CFAP47: variants seen among roughly 807,000 people sequenced by gnomAD.
The protein encoded by CFAP47 is cilia- and flagella-associated protein 47.
Under a neutral mutation model 148.1 loss-of-function variants are expected in CFAP47, and 29 were observed. The ratio of observed to expected loss-of-function variants is 0.20; its 90% CI spans 0.15 to 0.27. The LOEUF (loss-of-function observed/expected upper bound fraction) is 0.27. CFAP47 is among the 10% of genes least tolerant of loss of function. The probability of loss-of-function intolerance (pLI) is 1.00; values close to 1 mark genes in which losing one functional copy is unlikely to be tolerated. For synonymous variants in CFAP47, 664 were observed against 577.3 expected (o/e 1.15, Z -2.15); for missense variants, 1,872 against 1,697.5 (o/e 1.10, Z -1.81).
At chrX:36,172,293 C>T (rs1208867923) in intron 39 of CFAP47, among the ~76,000 whole-genome samples, 1 of 104,196 alleles carries the variant, frequency 9.6e-6, no homozygotes, top group African/African-American at 3.5e-5. Flanking sequence ...CCTTTATTTC[C>T]TTCTCCTGCC....
At chrX:36,229,168 G>A (rs2146901182) in intron 46 of CFAP47, among the ~76,000 whole-genome samples, 1 of 111,807 alleles carries the variant, frequency 8.9e-6, no homozygotes, top group African/African-American at 3.2e-5. Flanking sequence ...GGGTTCATAG[G>A]CACTGAGAAC....
intron 39 of CFAP47, among the ~76,000 whole-genome samples, chrX:36,162,747 ACAC>A (rs1163768522): frequency 9.0e-6 from 1 of 111,557 alleles, no homozygotes; most frequent in East Asian, 2.8e-4. Context: ...CTTTTGCAGA[ACAC>A]CACTATTTCA....
chrX:36,044,559 G>A (rs775620827), intron 25 of CFAP47, among the ~76,000 whole-genome samples: 3 of 112,096 alleles, frequency 2.7e-5, no homozygotes, highest in East Asian at 2.8e-4. Context: ...GGGCAAGGGC[G>A]ACATGCCACC....
intron 18 of CFAP47, among the ~76,000 whole-genome samples, chrX:35,996,416 A>G (rs751185284): frequency 9.0e-6 from 1 of 111,177 alleles, no homozygotes; most frequent in Non-Finnish European, 1.9e-5. Flanking sequence ...GAAAAATGGT[A>G]TTTTGTGGTT....
In CFAP47 at chrX:36,384,818, T is replaced by C; in HGVS notation, c.9376T>C (p.Tyr3126His). The change falls in exon 64 of 64, where the codon TAT (tyrosine) becomes CAT (histidine). Residue 3126 changes from tyrosine (Y) to histidine (H), a missense_variant. Transcript: ENST00000378653. The part of the protein sequence containing the change: ...VIQTEEMYWK[Y>H]EINGLTPTTV... ...CCAGACAGAAGAAATGTACTGGAAG[T>C]ATGAGATCAATGGATTAACTCCAAC... 8.6e-7 allele frequency: 1 copy of C among 1,165,560 alleles called. No individual in the cohort carries two copies. The highest frequency in any genetic ancestry group is 1.1e-6 in the Non-Finnish European group (1 of 871,207).
chrX:36,328,031 C>T (rs1159932965), intron 57 of CFAP47, among the ~76,000 whole-genome samples: 2 of 111,662 alleles, frequency 1.8e-5, no homozygotes, highest in Non-Finnish European at 3.8e-5. Flanking sequence ...GATTCATACC[C>T]CACACCTCAG....
chrX:36,189,230 G>T (rs1939840290), intron 41 of CFAP47, among the ~76,000 whole-genome samples: 1 of 110,944 alleles, frequency 9.0e-6, no homozygotes, highest in Non-Finnish European at 1.9e-5. Context: ...GGGTGACTGG[G>T]CTTAGCTGTG....
chrX:36,294,526 C>T (rs1389532385), intron 51 of CFAP47, among the ~76,000 whole-genome samples: 9 of 110,211 alleles, frequency 8.2e-5, no homozygotes, highest in East Asian at 5.8e-4. Flanking sequence ...CTGGCTAACA[C>T]GGTGAAACCC....
chrX:36,028,929 G>C (rs1248778788), intron 22 of CFAP47, among the ~76,000 whole-genome samples: 1 of 110,779 alleles, frequency 9.0e-6, no homozygotes, highest in Non-Finnish European at 1.9e-5. Flanking sequence ...TCTTGTTCCA[G>C]TTCTTACAGG....
chrX:36,296,181 TAGAC>T (rs1556006674), intron 51 of CFAP47, among the ~76,000 whole-genome samples: 1 of 111,832 alleles, frequency 8.9e-6, no homozygotes. Flanking sequence ...AAGTACTCCA[TAGAC>T]ACCATCCGTA....
At chrX:35,946,195 C>A (rs1439815300) in intron 3 of CFAP47, among the ~76,000 whole-genome samples, 1 of 111,318 alleles carries the variant, frequency 9.0e-6, no homozygotes, top group Non-Finnish European at 1.9e-5. Context: ...TTCAATAACT[C>A]TCTTCTCTTA....
At chrX:36,224,112 G>A (rs1555991169) in intron 45 of CFAP47, among the ~76,000 whole-genome samples, 2 of 111,393 alleles carry the variant, frequency 1.8e-5, no homozygotes, top group Non-Finnish European at 3.8e-5. Context: ...ACTATTTTTA[G>A]ATGGCTTTCA....
chrX:35,997,991 G>A (rs753598882), intron 19 of CFAP47, among the ~76,000 whole-genome samples: 110 of 110,766 alleles, frequency 9.9e-4, no homozygotes, highest in Non-Finnish European at 1.7e-3. Context: ...ACATTTATAT[G>A]CTTATCTTCT....
At chrX:36,223,942 G>A (rs1940241392) in intron 45 of CFAP47, among the ~76,000 whole-genome samples, 1 of 109,955 alleles carries the variant, frequency 9.1e-6, no homozygotes, top group Non-Finnish European at 1.9e-5. Flanking sequence ...CCACTACCTG[G>A]GTCCAATATA....
At chrX:36,275,999 CTT>C (rs1210752176) in intron 49 of CFAP47, among the ~76,000 whole-genome samples, 4 of 109,962 alleles carry the variant, frequency 3.6e-5, no homozygotes, top group Non-Finnish European at 5.7e-5. Context: ...ATAATATTCT[CTT>C]ATAATCATTT....
chrX:35,926,703 A>C (rs1258109795), intron 2 of CFAP47, among the ~76,000 whole-genome samples: 1 of 112,122 alleles, frequency 8.9e-6, no homozygotes, highest in East Asian at 2.8e-4. Context: ...ATATACATAC[A>C]TATATGATCC....
At chrX:36,156,663 C>A (rs1939371030) in intron 37 of CFAP47, among the ~76,000 whole-genome samples, 1 of 106,578 alleles carries the variant, frequency 9.4e-6, no homozygotes, top group Non-Finnish European at 1.9e-5. Context: ...GCAATTGGAG[C>A]AAAAAAAATA....
intron 33 of CFAP47, among the ~76,000 whole-genome samples, chrX:36,121,172 T>G (rs1040623664): frequency 9.0e-5 from 10 of 111,599 alleles, no homozygotes; most frequent in Non-Finnish European, 1.7e-4. Context: ...GATGTAAGTA[T>G]AGGGACTCTT....
At chrX:35,925,603 A>G (rs1935726316) in intron 1 of CFAP47, among the ~76,000 whole-genome samples, 1 of 112,188 alleles carries the variant, frequency 8.9e-6, no homozygotes, top group African/African-American at 3.2e-5. Flanking sequence ...GGGCAGGAAT[A>G]GAGCCTGTAT....
Sources: gnomAD v4.1 joint callset for allele counts (sites outside exome capture counted in the v4.1 genomes callset) on GRCh38, gnomAD v4.1.1 for gene constraint, MANE v1.5 for transcripts, NCBI Gene and HGNC (gene_info 2026-07-23, HGNC 2026-07-21) for gene names.